Variants in DSG1 observed in about 807,000 individuals in gnomAD.
The protein encoded by DSG1 is desmoglein 1.
DSG1 carries 39 observed loss-of-function variants against 97.5 expected under a neutral mutation model. The observed-to-expected ratio is 0.40, with a 90% CI of 0.31 to 0.52. The LOEUF (loss-of-function observed/expected upper bound fraction) is 0.52. Ranked by LOEUF, DSG1 falls within the 20% of genes least tolerant of loss-of-function variation. DSG1 has a pLI of 0.53. For missense variants in DSG1, 1,311 were observed against 1,295.4 expected, an observed-to-expected ratio of 1.01 and a Z score of -0.18; for synonymous variants, 475 against 443.4, an observed-to-expected ratio of 1.07 and a Z score of -0.90.
rs1169735965 is a variant in DSG1, at chr18:31,358,871, C to G, written c.*3525C>G. ...TTGAAATCAAATCTGTCTTCCACTT[C>G]CGGATTATTCAATTTATGTTAGGAC... On this transcript the variant is annotated 3_prime_UTR_variant, in exon 15 of 15. Coordinates refer to ENST00000257192, the MANE Select transcript of DSG1 (RefSeq NM_001942.4). Among the ~76,000 whole-genome samples the G allele has an allele frequency of 6.6e-6, 1 of 151,998 alleles. No individual in the cohort carries two copies. Among genetic ancestry groups the G allele is most frequent in the Non-Finnish European group, 1.5e-5 (1 of 67,944 alleles).
Position 31,354,768 on chromosome 18 carries a change from C to G in DSG1, c.2572C>G (p.Pro858Ala), listed in dbSNP as rs777746179. Residue 858 changes from proline (P) to alanine (A), a missense_variant, in exon 15 of 15, where the codon CCA (proline) becomes GCA (alanine). Coordinates refer to ENST00000257192, the MANE Select transcript of DSG1 (RefSeq NM_001942.4). ...CTCTGTGCACGTTCACGATAACCGA[C>G]CAGCATCAAACGTGGTAGTGACAGA... ...KPSVHVHDNR[P>A]ASNVVVTERV... is the part of the protein sequence containing the mutation. 1 of 1,614,172 alleles carries G rather than the reference C, an allele frequency of 6.2e-7. No individual in the cohort carries two copies. The highest frequency in any genetic ancestry group is 2.2e-5 in the East Asian group (1 of 44,874).
intron 1 of DSG1, among the ~76,000 whole-genome samples, chr18:31,325,621 T>C (rs2071680917): frequency 6.6e-6 from 1 of 152,168 alleles, no homozygotes; most frequent in Non-Finnish European, 1.5e-5. Context: ...TTTTTCTTCA[T>C]GCTGTATTCC....
intron 1 of DSG1, among the ~76,000 whole-genome samples, chr18:31,320,873 T>A (rs2071649325): frequency 6.6e-6 from 1 of 152,108 alleles, no homozygotes; most frequent in Non-Finnish European, 1.5e-5. Context: ...ATCTCTATGG[T>A]TTTAATGATT....
At chr18:31,333,992 TAA>T in intron 7 of DSG1, 23 bp from the exon 8 acceptor site, 6 of 1,524,916 alleles carry the variant, frequency 3.9e-6, no homozygotes, top group Non-Finnish European at 5.5e-6. Context: ...CAGTTTGTGC[TAA>T]GAGTTTTCAC....
intron 14 of DSG1, chr18:31,353,941 C>T (rs2071927555): frequency 3.5e-6 from 1 of 285,678 alleles, no homozygotes; most frequent in Admixed American, 5.0e-5. Flanking sequence ...CTGCGTCGCT[C>T]ACGCTGGGAG....
chr18:31,329,790 A>G (rs1303110708), intron 4 of DSG1, 102 bp from the exon 5 acceptor site: 11 of 1,417,434 alleles, frequency 7.8e-6, no homozygotes, highest in East Asian at 4.6e-5. Flanking sequence ...CTAAGTAGAC[A>G]TAATAATTCT....
intron 11 of DSG1, among the ~76,000 whole-genome samples, chr18:31,341,566 T>C (rs1285747526): frequency 1.3e-5 from 2 of 152,202 alleles, no homozygotes; most frequent in African/African-American, 4.8e-5. Context: ...AAATGAAATT[T>C]TTACATTAAC....
At chr18:31,333,303 A>T (rs1344789131) in intron 6 of DSG1, among the ~76,000 whole-genome samples, 1 of 152,286 alleles carries the variant, frequency 6.6e-6, no homozygotes, top group African/African-American at 2.4e-5. Flanking sequence ...TCTCCTTGAG[A>T]TCATTCTGGT....
Position 31,358,752 on chromosome 18 carries a change from A to C in DSG1, c.*3406A>C, listed in dbSNP as rs2071979030. On this transcript the variant is annotated 3_prime_UTR_variant, in exon 15 of 15. Coordinates refer to ENST00000257192, the MANE Select transcript of DSG1 (RefSeq NM_001942.4). ...CCACATTTTCCCATGCCTATTTCATAAATTCCAACTTTTTTTTTTACAATT... is the reference window on the plus strand; with the variant it reads ...CCACATTTTCCCATGCCTATTTCATCAATTCCAACTTTTTTTTTTACAATT... 6.6e-6 allele frequency among the ~76,000 whole-genome samples: 1 copy of C among 152,082 alleles called. No individual in the cohort carries two copies. The highest frequency in any genetic ancestry group is 2.4e-5 in the African/African-American group (1 of 41,442).
chr18:31,339,262 A>G (rs1327526282), intron 10 of DSG1, among the ~76,000 whole-genome samples: 8 of 152,170 alleles, frequency 5.3e-5, no homozygotes, highest in Non-Finnish European at 7.4e-5. Flanking sequence ...TTATTAAAAT[A>G]CAAAAGAATA....
intron 14 of DSG1, among the ~76,000 whole-genome samples, chr18:31,351,126 A>G (rs1598715572): frequency 6.9e-6 from 1 of 144,272 alleles, no homozygotes; most frequent in Non-Finnish European, 1.5e-5. Context: ...ATTTCCCTCT[A>G]CACACTGCTT....
chr18:31,340,242 T>C (rs1225219209), intron 11 of DSG1, among the ~76,000 whole-genome samples: 3 of 151,948 alleles, frequency 2.0e-5, no homozygotes, highest in Non-Finnish European at 4.4e-5. Context: ...TTGCAGTAAG[T>C]CTCAATGTAA....
chr18:31,353,391 T>G (rs1289100817), intron 14 of DSG1, among the ~76,000 whole-genome samples: 4 of 150,682 alleles, frequency 2.7e-5, no homozygotes, highest in Non-Finnish European at 5.9e-5. Context: ...GACAGGGACA[T>G]TTAAGTCTGC....
chr18:31,354,845 G>C lies in DSG1; in HGVS notation c.2649G>C (p.Met883Ile). Residue 883 changes from methionine (M) to isoleucine (I), a missense_variant, in exon 15 of 15, where the codon ATG becomes ATC. Coordinates refer to ENST00000257192, the MANE Select transcript of DSG1 (RefSeq NM_001942.4). ...SGADLHGMLE[M>I]PDLRDGSNVI... ...CTGATTTGCATGGAATGTTAGAGAT[G>C]CCTGACTTGCGAGATGGGTCGAATG... is the stretch of plus-strand genomic sequence containing the variant. The C allele has an allele frequency of 1.9e-6, 3 of 1,614,166 alleles. No individual in the cohort carries two copies. Among genetic ancestry groups the C allele is most frequent in the Non-Finnish European group, 2.5e-6 (3 of 1,180,032 alleles).
rs16961694 is a variant in DSG1 at position 31,355,160 on chromosome 18, C to G, written c.2964C>G (p.Ser988Arg). Residue 988 changes from serine (S) to arginine (R), a missense_variant, in exon 15 of 15, where the codon AGC (serine) becomes AGG (arginine). By Grantham distance (110) the Ser-to-Arg change is moderately radical. Transcript: ENST00000257192. ...TTGGCACCAGCATGGGTGCTGGGAG[C>G]GGTGCCCTGAGTGGAGCTGGCATAA... is the stretch of plus-strand genomic sequence containing the variant. ...GLVGTSMGAG[S>R]GALSGAGISG... 1 of 1,607,560 alleles carries G rather than the reference C, an allele frequency of 6.2e-7. No homozygotes were observed. The highest frequency in any genetic ancestry group is 1.3e-5 in the African/African-American group (1 of 74,792).
rs149564748 is a variant in DSG1 at position 31,355,276 on chromosome 18, T to C, written c.3080T>C (p.Ile1027Thr). The C allele has an allele frequency of 7.4e-5, 119 of 1,613,580 alleles. No individual in the cohort carries two copies. Among genetic ancestry groups the C allele is most frequent in the Non-Finnish European group, 9.3e-5 (110 of 1,179,746 alleles). Residue 1027 changes from isoleucine to threonine, a missense_variant, in exon 15 of 15, where the codon ATT becomes ACT. Physicochemically the swap from Ile to Thr is moderately conservative, Grantham distance 89 (BLOSUM62 -1). Transcript: ENST00000257192. ...TCTGACCATCACTTTAACCAAACCA[T>C]TGGGTCCGCCTCCCCTAGCACAGCT... ...SSSDHHFNQT[I>T]GSASPSTARS...
At chr18:31,323,293 C>A (rs1187467528) in intron 1 of DSG1, among the ~76,000 whole-genome samples, 1 of 152,184 alleles carries the variant, frequency 6.6e-6, no homozygotes, top group African/African-American at 2.4e-5. Flanking sequence ...AAAATAACCT[C>A]ACCCTTACTC....
rs1253529852 is a variant in DSG1, at chr18:31,357,904, A to T, written c.*2558A>T. 6.6e-6 allele frequency among the ~76,000 whole-genome samples: 1 copy of T among 151,952 alleles called. No homozygotes were observed. The highest frequency in any genetic ancestry group is 2.4e-5 in the African/African-American group (1 of 41,428). ...TTTCCATTTAGTCCTAAATTTTAAA[A>T]TTCCCTTTTCAAGACATCAACGATT... On this transcript the variant is annotated 3_prime_UTR_variant, in exon 15 of 15. Transcript: ENST00000257192.
At chr18:31,343,694 G>A (rs1490150990) in intron 12 of DSG1, 111 bp downstream of exon 12, 1 of 1,490,344 alleles carries the variant, frequency 6.7e-7, no homozygotes, top group African/African-American at 1.4e-5. Context: ...TTTGTGCTGA[G>A]AAAGCTAATG....
Sources: gnomAD v4.1 joint callset for allele counts (sites outside exome capture counted in the v4.1 genomes callset) on GRCh38, gnomAD v4.1.1 for gene constraint, MANE v1.5 for transcripts, NCBI Gene and HGNC (gene_info 2026-07-23, HGNC 2026-07-21) for gene names.